Variants in SACS observed in about 807,000 individuals in gnomAD.
The protein encoded by SACS is sacsin molecular chaperone, also known as sacsin.
Under a neutral mutation model 348.0 loss-of-function variants are expected in SACS, and 197 were observed. The observed-to-expected ratio is 0.57, with a 90% CI of 0.50 to 0.64. SACS has a LOEUF of 0.64. Ranked by LOEUF, SACS falls within the 30% of genes least tolerant of loss-of-function variation. SACS has a pLI of 0.00. For synonymous variants in SACS, 1,985 were observed against 1,910.6 expected, an observed-to-expected ratio of 1.04 and a Z score of -1.02; for missense variants, 4,999 against 5,360.8, an observed-to-expected ratio of 0.93 and a Z score of 2.11.
At chr13:23,375,712 T>C (rs965896277) in intron 2 of SACS, among the ~76,000 whole-genome samples, 1 of 150,212 alleles carries the variant, frequency 6.7e-6, no homozygotes, top group African/African-American at 2.5e-5. Context: ...AGTTCTGTCT[T>C]GCCCAATCCG....
chr13:23,430,235 A>G (rs1874381663), intron 1 of SACS, among the ~76,000 whole-genome samples: 1 of 152,154 alleles, frequency 6.6e-6, no homozygotes, highest in African/African-American at 2.4e-5. Flanking sequence ...AAATAAAACT[A>G]AAGGAATATT....
At chr13:23,360,841 G>A (rs150207785) in intron 6 of SACS, among the ~76,000 whole-genome samples, 188 of 148,030 alleles carry the variant, frequency 1.3e-3, no homozygotes, top group Admixed American at 2.5e-3. Context: ...TTGCACCTCC[G>A]CCTCCCGGGT....
Position 23,355,084 on chromosome 13 carries a change from A to C in SACS, c.1528T>G (p.Leu510Val). Residue 510 changes from leucine (L) to valine (V), a missense_variant, in exon 8 of 10, where the codon TTA (leucine) becomes GTA (valine). Coordinates refer to ENST00000382292, the MANE Select transcript of SACS (RefSeq NM_014363.6). ...VVPKAYATLILDSIKRLEMEK... is the reference protein window; with the variant it reads ...VVPKAYATLIVDSIKRLEMEK... The stretch of plus-strand genomic sequence containing the variant: ...ATCTCCAGACGTTTTATTGAATCTA[A>C]GATCAGAGTAGCATAAGCTTTGGGG... 6.2e-7 allele frequency: 1 copy of C among 1,614,224 alleles called. No homozygotes were observed. The highest frequency in any genetic ancestry group is 8.5e-7 in the Non-Finnish European group (1 of 1,180,046).
At chr13:23,380,947 T>C (rs1403108002) in intron 2 of SACS, among the ~76,000 whole-genome samples, 1 of 152,202 alleles carries the variant, frequency 6.6e-6, no homozygotes, top group Non-Finnish European at 1.5e-5. Flanking sequence ...AAAAATTCAA[T>C]AGTTGGAACA....
In SACS at chr13:23,338,319, G is replaced by A. The variant is rs1353300258; in HGVS notation, c.5557C>T (p.Leu1853=). ...CACTTCTGGTCCTGGATTTCTGACA[G>A]CTGAACTCCTACTGCCCCACATGGA... is the stretch of plus-strand genomic sequence containing the variant. ...LVPCGAVGVQ[L]SEIQDQKWTV... The change falls in exon 10 of 10, where the codon CTG becomes TTG. Residue 1853 remains leucine (L), a synonymous_variant. Coordinates refer to ENST00000382292, the MANE Select transcript of SACS (RefSeq NM_014363.6). 1.2e-5 allele frequency: 20 copies of A among 1,614,028 alleles called. No homozygotes were observed. The highest frequency in any genetic ancestry group is 1.5e-5 in the Non-Finnish European group (18 of 1,180,026).
chr13:23,334,861 G>A lies in SACS; in HGVS notation c.9015C>T (p.Asp3005=), dbSNP rs769712713. 125 of 1,613,836 alleles carry A rather than the reference G, an allele frequency of 7.7e-5. No homozygotes were observed. The highest frequency in any genetic ancestry group is 1.1e-4 in the Non-Finnish European group (124 of 1,179,834). Residue 3005 remains aspartate, a synonymous_variant, in exon 10 of 10, where the codon GAC becomes GAT. Transcript: ENST00000382292. ...VVRAPNIDGS[D]LHSAVIITWI... ...AAGTAATTATAACTGCAGAGTGCAA[G>A]TCAGAGCCATCAATATTTGGAGCCC...
At chr13:23,362,898 A>T (rs1870827263) in intron 6 of SACS, among the ~76,000 whole-genome samples, 1 of 142,844 alleles carries the variant, frequency 7.0e-6, no homozygotes, top group African/African-American at 2.6e-5. Context: ...CATTTATTTC[A>T]TTTTTTATTT....
chr13:23,337,631 T>C lies in SACS; in HGVS notation c.6245A>G (p.Asn2082Ser), dbSNP rs1868762822. ...TCCCGAGAACTCATCAACTTTTTCA[T>C]TTAGAACAAAGATCATTAAAGGATC... ...LRDPLMIFVL[N>S]EKVDEFSGVL... Residue 2082 changes from asparagine (N) to serine (S), a missense_variant, in exon 10 of 10, where the codon AAT becomes AGT. Transcript: ENST00000382292. 2.5e-6 allele frequency: 4 copies of C among 1,613,718 alleles called. No homozygotes were observed. Among genetic ancestry groups the C allele is most frequent in the Non-Finnish European group, 2.5e-6 (3 of 1,179,936 alleles).
Position 23,411,388 on chromosome 13 carries a change from G to C in SACS, c.-149C>G. 1.4e-6 allele frequency: 1 copy of C among 724,108 alleles called. No homozygotes were observed. Among genetic ancestry groups the C allele is most frequent in the South Asian group, 1.6e-5 (1 of 63,880 alleles). The allele number at this position is 724,108 out of a possible 1,614,324, so 44.9% of individuals were successfully genotyped here. On this transcript the variant is annotated 5_prime_UTR_variant, in exon 2 of 10. Coordinates refer to ENST00000382292, the MANE Select transcript of SACS (RefSeq NM_014363.6). ...GAAAAAAAGCCTGTTTTTCCCTTCA[G>C]TGTCCATTCATCATCTGATGTCAGG... is the stretch of plus-strand genomic sequence containing the variant.
intron 2 of SACS, among the ~76,000 whole-genome samples, chr13:23,382,888 CT>C (rs1309746084): frequency 4.1e-5 from 6 of 145,636 alleles, no homozygotes; most frequent in South Asian, 4.6e-4. Context: ...CTGAAGAGAT[CT>C]TCCCACCTCA....
chr13:23,352,326 A>G (rs770261148), intron 9 of SACS, among the ~76,000 whole-genome samples: 17 of 152,390 alleles, frequency 1.1e-4, no homozygotes, highest in Non-Finnish European at 1.8e-4. Flanking sequence ...ATCACAGCAA[A>G]TAAAAGCCAG....
At chr13:23,433,565 C>CGCT (rs1874523974) in intron 1 of SACS, 50 bp downstream of exon 1, 1 of 152,320 alleles carries the variant, frequency 6.6e-6, no homozygotes, top group Non-Finnish European at 1.5e-5. Context: ...GTCCCCAGGC[C>CGCT]GCTCCTGCAG....
In SACS at chr13:23,354,860, T is replaced by C. The variant is rs368626712; in HGVS notation, c.1752A>G (p.Leu584=). Residue 584 remains leucine (L), a synonymous_variant, in exon 8 of 10, where the codon TTA becomes TTG. Coordinates refer to ENST00000382292, the MANE Select transcript of SACS (RefSeq NM_014363.6). The part of the protein sequence containing the change: ...QVYFSELDEN[L]EYTKTVLNYL... ...AGTTGAGCACAGTTTTTGTGTATTC[T>C]AAATTTTCATCAAGTTCTGAGAAGT... 26 of 1,614,122 alleles carry C rather than the reference T, an allele frequency of 1.6e-5. No homozygotes were observed. In the Middle Eastern group the frequency reaches 6.6e-4, roughly 41 times the overall value.
chr13:23,341,168 A>G lies in SACS; in HGVS notation c.2708T>C (p.Leu903Pro). The change falls in exon 10 of 10, where the codon CTG (leucine) becomes CCG (proline). Residue 903 changes from leucine (L) to proline (P), a missense_variant. Physicochemically the swap from Leu to Pro is moderately conservative, Grantham distance 98. Around this residue, in one of 6 missense-constraint regions of SACS, gnomAD observed 3,156 missense variants for 3,380.1 expected, o/e 0.93. Transcript: ENST00000382292. Reference protein sequence around the residue: ...TSLLPTHKDALRKFLASLTDS... With the variant: ...TSLLPTHKDAPRKFLASLTDS... ...GGTTAAACTAGCCAAGAACTTCCTC[A>G]GGGCATCTTTGTGTGTTGGAAGTAG... is the stretch of plus-strand genomic sequence containing the variant. 6.2e-7 allele frequency: 1 copy of G among 1,613,440 alleles called. No individual in the cohort carries two copies. Among genetic ancestry groups the G allele is most frequent in the Middle Eastern group, 1.6e-4 (1 of 6,062 alleles).
chr13:23,366,304 C>T (rs963802918), intron 5 of SACS, among the ~76,000 whole-genome samples: 2 of 152,184 alleles, frequency 1.3e-5, no homozygotes, highest in Admixed American at 1.3e-4. Flanking sequence ...TGAGATTGTG[C>T]TCAGTTCACC....
rs2137838950 is a variant in SACS at position 23,375,035 on chromosome 13, C to T, written c.171+84G>A. On this transcript the variant is annotated intron_variant, in intron 3 of 9. Transcript: ENST00000382292. ...GAGTCATTCGCGCCGCCCGCGGAAA[C>T]CTGCGTCGCCCACCCCGGGCCCTCG... 3.8e-6 allele frequency: 5 copies of T among 1,301,078 alleles called. 1 individual carries two copies. Among genetic ancestry groups the T allele is most frequent in the East Asian group, 6.4e-5 (2 of 31,196 alleles). 80.6% of individuals were successfully genotyped at this position (1,301,078 alleles called of 1,614,324 possible). A position where few individuals can be genotyped will look rare whatever the true frequency, so the allele number is the denominator to read the frequency against.
chr13:23,337,224 A>G lies in SACS; in HGVS notation c.6652T>C (p.Phe2218Leu). 6.2e-7 allele frequency: 1 copy of G among 1,613,970 alleles called. No homozygotes were observed. Among genetic ancestry groups the G allele is most frequent in the Non-Finnish European group, 8.5e-7 (1 of 1,179,912 alleles). Residue 2218 changes from phenylalanine (F) to leucine (L), a missense_variant, in exon 10 of 10, where the codon TTT becomes CTT. Around this residue, in one of 6 missense-constraint regions of SACS, gnomAD observed 3,156 missense variants for 3,380.1 expected, o/e 0.93. Transcript: ENST00000382292. ...AKYQTIRFLP[F>L]LTKPAGFSLD... The stretch of plus-strand genomic sequence containing the variant: ...GAAAAACCTGCTGGTTTTGTCAGAA[A>G]TGGAAGGAAGCGGATTGTTTGATAT...
At chr13:23,379,650 T>C (rs573191634) in intron 2 of SACS, among the ~76,000 whole-genome samples, 19 of 152,312 alleles carry the variant, frequency 1.2e-4, no homozygotes, top group Non-Finnish European at 2.6e-4. Flanking sequence ...TGCACACTGC[T>C]TGTGGGACAG....
intron 1 of SACS, among the ~76,000 whole-genome samples, chr13:23,422,162 G>A (rs1156351261): frequency 2.0e-5 from 3 of 152,164 alleles, no homozygotes; most frequent in African/African-American, 7.2e-5. Flanking sequence ...ATTGTTGAAT[G>A]GAACGTAACT....
Sources: gnomAD v4.1 joint callset for allele counts (sites outside exome capture counted in the v4.1 genomes callset) on GRCh38, gnomAD v4.1.1 for gene constraint, gnomAD v4.1.1 regional missense constraint, MANE v1.5 for transcripts, NCBI Gene and HGNC (gene_info 2026-07-23, HGNC 2026-07-21) for gene names.